The following COL4A1 variants were observed in gnomAD, a reference collection of about 807,000 sequenced individuals.
COL4A1 encodes collagen alpha-1(IV) chain.
COL4A1 carries 40 observed loss-of-function variants against 216.6 expected under a neutral mutation model. That is an observed-to-expected ratio of 0.18 (90% CI 0.14 to 0.24). The LOEUF is 0.24. Ranked by LOEUF, COL4A1 falls within the 10% of genes least tolerant of loss-of-function variation. The pLI is 1.00. For missense variants in COL4A1, 1,628 were observed against 2,196.8 expected (o/e 0.74, Z 5.18); for synonymous variants, 839 against 810.7 (o/e 1.03, Z -0.59).
At chr13:110,247,508 A>T (rs758048571) in intron 1 of COL4A1, among the ~76,000 whole-genome samples, 2 of 152,218 alleles carry the variant, frequency 1.3e-5, no homozygotes, top group Non-Finnish European at 2.9e-5. Flanking sequence ...GAGATCCACC[A>T]TCAGTATTCA....
chr13:110,177,073 C>A (rs776192542), intron 33 of COL4A1, 36 bp from the exon 34 acceptor site: 15 of 1,611,044 alleles, frequency 9.3e-6, no homozygotes, highest in African/African-American at 6.7e-5. Flanking sequence ...TGAGCCTGGG[C>A]CAGTGTCACA....
chr13:110,182,637 C>A (rs1298556433), intron 28 of COL4A1, among the ~76,000 whole-genome samples: 1 of 152,228 alleles, frequency 6.6e-6, no homozygotes, highest in Non-Finnish European at 1.5e-5. Flanking sequence ...TGCACCTCCC[C>A]CTGGGCGCTC....
chr13:110,227,158 CTTTT>C, intron 2 of COL4A1, among the ~76,000 whole-genome samples: 1 of 152,162 alleles, frequency 6.6e-6, no homozygotes, highest in African/African-American at 2.4e-5. Context: ...CATTTCCTGC[CTTTT>C]TTTCTTAACT....
intron 1 of COL4A1, among the ~76,000 whole-genome samples, chr13:110,291,714 T>C (rs1884097140): frequency 6.6e-6 from 1 of 152,216 alleles, no homozygotes; most frequent in African/African-American, 2.4e-5. Flanking sequence ...ACCCGGCTTC[T>C]TTAGTGGGTT....
intron 1 of COL4A1, among the ~76,000 whole-genome samples, chr13:110,260,914 G>A (rs750814791): frequency 3.9e-4 from 60 of 152,008 alleles, no homozygotes; most frequent in Admixed American, 5.9e-4. Context: ...GAGGGCACCT[G>A]TAGTCCCAGC....
At chr13:110,151,140 AT>A (rs1876480851) in intron 51 of COL4A1, among the ~76,000 whole-genome samples, 1 of 152,188 alleles carries the variant, frequency 6.6e-6, no homozygotes, top group Admixed American at 6.5e-5. Context: ...ATTAAACTAA[AT>A]TAAAATAGCC....
At chr13:110,287,388 G>C (rs566971881) in intron 1 of COL4A1, among the ~76,000 whole-genome samples, 1 of 152,112 alleles carries the variant, frequency 6.6e-6, no homozygotes, top group African/African-American at 2.4e-5. Flanking sequence ...CCCCTACTTC[G>C]TGCCCACAAA....
At chr13:110,239,589 G>C (rs1256562185) in intron 2 of COL4A1, among the ~76,000 whole-genome samples, 6 of 152,196 alleles carry the variant, frequency 3.9e-5, no homozygotes, top group African/African-American at 1.2e-4. Flanking sequence ...TTCAGTTGCA[G>C]CTCATAAGCA....
At chr13:110,154,447 G>A (rs925226656) in intron 50 of COL4A1, among the ~76,000 whole-genome samples, 5 of 152,254 alleles carry the variant, frequency 3.3e-5, no homozygotes, top group East Asian at 1.9e-4. Flanking sequence ...TGGAGGCCAC[G>A]GCCAGCCCTC....
intron 2 of COL4A1, among the ~76,000 whole-genome samples, chr13:110,217,980 C>G (rs1307487444): frequency 2.0e-5 from 3 of 152,188 alleles, no homozygotes; most frequent in Admixed American, 2.0e-4. Context: ...ATTTCCCTTC[C>G]TCTTCCAATG....
intron 2 of COL4A1, among the ~76,000 whole-genome samples, chr13:110,224,468 G>C (rs377190502): frequency 6.6e-6 from 1 of 152,086 alleles, no homozygotes; most frequent in Admixed American, 6.6e-5. Flanking sequence ...GATTACAGAC[G>C]TGCACCATCA....
rs1329504428 is a variant in COL4A1 at position 110,192,939 on chromosome 13, T to G, written c.1382-26A>C. 1.9e-6 allele frequency: 3 copies of G among 1,604,546 alleles called. No individual in the cohort carries two copies. The African/African-American group carries it at 4.0e-5, about 21-fold the overall frequency. On this transcript the variant is annotated intron_variant, in intron 22 of 51. Transcript: ENST00000375820. ...CTAAAAAAGAAAACACAAAGGTGCT[T>G]ACGTGTAACATGTGACCAGAAGTCT...
At chr13:110,230,701 C>T (rs963054383) in intron 2 of COL4A1, among the ~76,000 whole-genome samples, 3 of 152,238 alleles carry the variant, frequency 2.0e-5, no homozygotes, top group Admixed American at 6.5e-5. Context: ...CCCAGTCACG[C>T]CAGCGTGCTG....
rs554455326 is a variant in COL4A1, at chr13:110,203,396, A to G, written c.999+170T>C. On this transcript the variant is annotated intron_variant, in intron 18 of 51. Transcript: ENST00000375820. ...TGAACCACTTTACATAACAAATGCA[A>G]TTCTAGAGACAGCTGTGGGTGTGTG... Among the ~76,000 whole-genome samples, 59 of 152,270 alleles carry G rather than the reference A, an allele frequency of 3.9e-4. No homozygotes were observed. In the East Asian group the frequency reaches 7.0e-3, roughly 18 times the overall value.
chr13:110,255,903 AG>A (rs1478953084), intron 1 of COL4A1, among the ~76,000 whole-genome samples: 1 of 36,872 alleles, frequency 2.7e-5, no homozygotes. Flanking sequence ...GCAGGAAGGG[AG>A]GGGGAAGGCA....
At chr13:110,280,708 G>A (rs1030759821) in intron 1 of COL4A1, among the ~76,000 whole-genome samples, 5 of 152,068 alleles carry the variant, frequency 3.3e-5, no homozygotes, top group African/African-American at 1.2e-4. Context: ...CAATAATTCT[G>A]GTAAGCCTCT....
At chr13:110,274,489 T>C (rs955819278) in intron 1 of COL4A1, among the ~76,000 whole-genome samples, 20 of 152,198 alleles carry the variant, frequency 1.3e-4, no homozygotes, top group Non-Finnish European at 2.9e-4. Flanking sequence ...TTGGTGTGTC[T>C]TTGAGCAAGT....
chr13:110,163,530 A>C lies in COL4A1; in HGVS notation c.4182T>G (p.Pro1394=). 2 of 1,614,134 alleles carry C rather than the reference A, an allele frequency of 1.2e-6. No homozygotes were observed. Among genetic ancestry groups the C allele is most frequent in the Non-Finnish European group, 1.7e-6 (2 of 1,180,002 alleles). Residue 1394 remains proline, a synonymous_variant, in exon 47 of 52, where the codon CCT becomes CCG. Transcript: ENST00000375820. ...GVTGLVGIPG[P]PGIPGFDGAP... ...CACCGTCAAACCCAGGAATACCTGG[A>C]GGTCCAGGTATACCCACCAATCCTG...
intron 1 of COL4A1, among the ~76,000 whole-genome samples, chr13:110,303,814 G>T (rs1175414979): frequency 6.6e-6 from 1 of 152,192 alleles, no homozygotes; most frequent in African/African-American, 2.4e-5. Flanking sequence ...AGTCCCTGCC[G>T]CATGGCCAGC....
Sources: allele counts gnomAD v4.1 joint callset (sites outside exome capture counted in the v4.1 genomes callset), GRCh38; gene constraint gnomAD v4.1.1; transcripts MANE v1.5; gene names NCBI Gene and HGNC (gene_info 2026-07-23, HGNC 2026-07-21).